The following JAZF1 variants were observed in gnomAD, a reference collection of about 807,000 sequenced individuals.
The protein encoded by JAZF1 is JAZF zinc finger 1.
Under a neutral mutation model 26.4 loss-of-function variants are expected in JAZF1, and 8 were observed. The observed-to-expected ratio is 0.30, with a 90% CI of 0.18 to 0.55. The LOEUF is 0.55. JAZF1 is among the 20% of genes least tolerant of loss of function. The pLI is 0.94. For missense variants in JAZF1, 199 were observed against 322.0 expected (o/e 0.62, Z 2.92); for synonymous variants, 126 against 122.3 (o/e 1.03, Z -0.20).
chr7:27,925,899 C>T (rs780835553), intron 2 of JAZF1, among the ~76,000 whole-genome samples: 7 of 152,202 alleles, frequency 4.6e-5, no homozygotes, highest in South Asian at 2.1e-4. Context: ...ATGATACCTC[C>T]GTAGTTACAA....
At chr7:27,950,687 G>A (rs1302841869) in intron 2 of JAZF1, among the ~76,000 whole-genome samples, 1 of 152,106 alleles carries the variant, frequency 6.6e-6, no homozygotes, top group Non-Finnish European at 1.5e-5. Context: ...CTTCAATTCT[G>A]TATTGTCCAA....
chr7:27,959,842 G>A (rs1288984502), intron 2 of JAZF1, among the ~76,000 whole-genome samples: 1 of 151,978 alleles, frequency 6.6e-6, no homozygotes, highest in African/African-American at 2.4e-5. Context: ...GGAGGTTGCA[G>A]TGAGCCGAGA....
chr7:28,122,311 C>T (rs989046967), intron 1 of JAZF1, among the ~76,000 whole-genome samples: 10 of 152,146 alleles, frequency 6.6e-5, no homozygotes, highest in Non-Finnish European at 1.2e-4. Context: ...GCAAATAGGA[C>T]GGGCAACTTC....
intron 2 of JAZF1, among the ~76,000 whole-genome samples, chr7:27,967,673 T>C (rs1785301668): frequency 6.6e-6 from 1 of 152,222 alleles, no homozygotes; most frequent in African/African-American, 2.4e-5. Context: ...TATTTGTTGA[T>C]AAATTCCTGG....
chr7:28,025,437 A>C (rs1367646211), intron 1 of JAZF1, among the ~76,000 whole-genome samples: 2 of 152,342 alleles, frequency 1.3e-5, no homozygotes, highest in Non-Finnish European at 2.9e-5. Flanking sequence ...ACATGAAAAC[A>C]CGGGAAAAGG....
At chr7:28,104,891 C>T (rs73072534) in intron 1 of JAZF1, among the ~76,000 whole-genome samples, 5,321 of 152,156 alleles carry the variant, frequency 0.035, 123 homozygotes, top group Middle Eastern at 0.058. Context: ...AATAGTATAC[C>T]ACTTAACCTA....
chr7:28,174,719 A>G (rs983414799), intron 1 of JAZF1, among the ~76,000 whole-genome samples: 1 of 67,044 alleles, frequency 1.5e-5, no homozygotes, highest in African/African-American at 3.2e-5. Flanking sequence ...GACTGTTTAC[A>G]GGTGAGAAGA....
intron 3 of JAZF1, among the ~76,000 whole-genome samples, chr7:27,864,640 C>T (rs10257676): frequency 0.15 from 22,177 of 152,128 alleles, 1,847 homozygotes; most frequent in African/African-American, 0.22. Context: ...CTGAGTAGCA[C>T]CAAGAAAATA....
chr7:27,989,308 A>G (rs2128364699), intron 2 of JAZF1, among the ~76,000 whole-genome samples: 1 of 152,364 alleles, frequency 6.6e-6, no homozygotes, highest in African/African-American at 2.4e-5. Context: ...TTAAAGACTT[A>G]AATGTTAGAC....
intron 1 of JAZF1, among the ~76,000 whole-genome samples, chr7:28,048,022 C>T (rs1361080564): frequency 2.6e-5 from 4 of 151,982 alleles, no homozygotes; most frequent in Non-Finnish European, 5.9e-5. Flanking sequence ...AAAATCTGTC[C>T]CTAGTATCGT....
At chr7:28,061,724 A>G (rs1352400719) in intron 1 of JAZF1, among the ~76,000 whole-genome samples, 4 of 152,222 alleles carry the variant, frequency 2.6e-5, no homozygotes, top group Admixed American at 2.6e-4. Context: ...GGCCGTATTT[A>G]CAATGGTGAA....
chr7:28,161,697 T>C (rs1200785242), intron 1 of JAZF1, among the ~76,000 whole-genome samples: 2 of 152,164 alleles, frequency 1.3e-5, no homozygotes, highest in African/African-American at 4.8e-5. Context: ...TGCTTGAATA[T>C]TTCCAATGAA....
rs10612400 is a variant in JAZF1 at position 28,118,761 on chromosome 7, T to TACACACAC, written c.115+61694_115+61701dup. Among the ~76,000 whole-genome samples, 664 of 148,772 alleles carry TACACACAC rather than the reference T, an allele frequency of 4.5e-3. 3 individuals carry two copies. Among genetic ancestry groups the TACACACAC allele is most frequent in the Middle Eastern group, 0.014 (4 of 288 alleles). On this transcript the variant is annotated intron_variant, in intron 1 of 4. Coordinates refer to ENST00000283928, the MANE Select transcript of JAZF1 (RefSeq NM_175061.4). ...TGGAGATCTATTTCTAAGAGAGTTT[T>TACACACAC]ACACACACACACACACACACACACA...
At chr7:27,857,285 G>A (rs11971879) in intron 3 of JAZF1, among the ~76,000 whole-genome samples, 2,445 of 152,318 alleles carry the variant, frequency 0.016, 63 homozygotes, top group African/African-American at 0.054. Context: ...TGGGGCTTGC[G>A]GGCTGGCTGG....
At chr7:27,907,543 T>C (rs956902202) in intron 2 of JAZF1, among the ~76,000 whole-genome samples, 1 of 152,210 alleles carries the variant, frequency 6.6e-6, no homozygotes, top group Non-Finnish European at 1.5e-5. Flanking sequence ...TTCTCTGATG[T>C]TGCATGGCCT....
At position 28,041,737 on chromosome 7, in the gene JAZF1, C is replaced by G. The variant is rs141130327; in HGVS notation, c.116-49756G>C. 5.8e-3 allele frequency among the ~76,000 whole-genome samples: 890 copies of G among 152,238 alleles called. 5 individuals are homozygous for G. Among genetic ancestry groups the G allele is most frequent in the African/African-American group, 0.021 (861 of 41,528 alleles). On this transcript the variant is annotated intron_variant, in intron 1 of 4. Transcript: ENST00000283928. ...GCCACCTTACTTTTTATTAATAAAT[C>G]TTCAGAGAATTCCCCTGTACGCAGC... is the stretch of plus-strand genomic sequence containing the variant.
intron 2 of JAZF1, among the ~76,000 whole-genome samples, chr7:27,972,566 T>C (rs146124566): frequency 6.7e-4 from 102 of 152,312 alleles, no homozygotes; most frequent in Middle Eastern, 6.8e-3. Context: ...TGATATGACT[T>C]AGCTCCTGCT....
chr7:28,144,988 TCTC>T (rs1175301700), intron 1 of JAZF1, among the ~76,000 whole-genome samples: 1 of 152,218 alleles, frequency 6.6e-6, no homozygotes, highest in Non-Finnish European at 1.5e-5. Context: ...ATGAGATCAC[TCTC>T]CTCTTCTGTT....
intron 2 of JAZF1, among the ~76,000 whole-genome samples, chr7:27,904,184 AGGAAACGGTGAT>A (rs948882583): frequency 5.3e-5 from 8 of 152,248 alleles, no homozygotes; most frequent in Non-Finnish European, 1.0e-4. Context: ...ATGTGGCTGT[AGGAAACGGTGAT>A]GGAAATAATG....
Sources: gnomAD v4.1 joint callset for allele counts (sites outside exome capture counted in the v4.1 genomes callset) on GRCh38, gnomAD v4.1.1 for gene constraint, MANE v1.5 for transcripts, NCBI Gene and HGNC (gene_info 2026-07-23, HGNC 2026-07-21) for gene names.